The following PAQR9 variants were observed in gnomAD, a reference collection of about 807,000 sequenced individuals.
The protein encoded by PAQR9 is progestin and adipoQ receptor family member 9.
Under a neutral mutation model 24.0 loss-of-function variants are expected in PAQR9, and 12 were observed. The observed-to-expected ratio is 0.50, with a 90% CI of 0.32 to 0.81. The LOEUF (loss-of-function observed/expected upper bound fraction) is 0.81, where lower values mean the gene tolerates loss of function less well. Ranked by LOEUF, PAQR9 falls within the 30% of genes least tolerant of loss-of-function variation. PAQR9 has a pLI of 0.03. For missense variants in PAQR9, 418 were observed against 520.8 expected (o/e 0.80, Z 1.92); for synonymous variants, 266 against 237.6 (o/e 1.12, Z -1.10).
In PAQR9 at chr3:142,962,943, T is replaced by G. The variant is rs781145265; in HGVS notation, c.394A>C (p.Thr132Pro). ...TGCGCCGTGCAGCTCATGGCGAAGGTCAGCAGCACTCCCGACGCGTAGCAC... is the reference window on the plus strand; with the variant it reads ...TGCGCCGTGCAGCTCATGGCGAAGGGCAGCAGCACTCCCGACGCGTAGCAC... The part of the protein sequence containing the change: ...LWCYASGVLL[T>P]FAMSCTAHVF... The change falls in exon 1 of 1, where the codon ACC becomes CCC. Residue 132 changes from threonine to proline, a missense_variant. By Grantham distance (38) the Thr-to-Pro change is conservative. This residue lies in a region of PAQR9 where 180 missense variants were observed against 190.3 expected (regional missense o/e 0.95). Transcript: ENST00000340634. The G allele has an allele frequency of 6.2e-7, 1 of 1,613,878 alleles. No individual in the cohort carries two copies. The highest frequency in any genetic ancestry group is 1.1e-5 in the South Asian group (1 of 91,080).
chr3:142,963,110 G>A lies in PAQR9; in HGVS notation c.227C>T (p.Ser76Leu). The stretch of plus-strand genomic sequence containing the variant: ...CGTCTCGTTGGTAGGCTTCAGCACC[G>A]AGGCTAGGCACTCCTGGGCCGTGCA... ...LPCTAQECLA[S>L]VLKPTNETLN... The change falls in exon 1 of 1, where the codon TCG becomes TTG. Residue 76 changes from serine to leucine, a missense_variant. Ser to Leu is a moderately radical substitution (Grantham distance 145). Transcript: ENST00000340634. 1.2e-6 allele frequency: 2 copies of A among 1,613,764 alleles called. No homozygotes were observed. Among genetic ancestry groups the A allele is most frequent in the Non-Finnish European group, 8.5e-7 (1 of 1,179,840 alleles).
downstream of PAQR9, chr3:142,951,528 G>A (rs1001161828): frequency 5.6e-6 from 2 of 356,502 alleles, no homozygotes; most frequent in African/African-American, 2.2e-5. Flanking sequence ...ATCAGTTTGG[G>A]GTCAATTGCA....
At chr3:142,950,706 C>A (rs752061825), downstream of PAQR9, 3 of 204,244 alleles carry the variant, frequency 1.5e-5, no homozygotes, top group Non-Finnish European at 3.2e-5. Context: ...AAACTCTGGG[C>A]TTGCAGGGCT....
Position 142,956,357 on chromosome 3 carries a change from A to AT in PAQR9, c.*5845dup, listed in dbSNP as rs1934790991. On this transcript the variant is annotated 3_prime_UTR_variant, in exon 1 of 1. Coordinates refer to ENST00000340634, the MANE Select transcript of PAQR9 (RefSeq NM_198504.4). Reference sequence around the variant, plus strand: ...CTTATTGCGTATTTTGGGTGGAGGTATAAGGCATGAGGGAAAGGTGGCCTG... The same window carrying AT: ...CTTATTGCGTATTTTGGGTGGAGGTATTAAGGCATGAGGGAAAGGTGGCCTG... Among the ~76,000 whole-genome samples the AT allele has an allele frequency of 6.6e-6, 1 of 152,208 alleles. No individual in the cohort carries two copies. Among genetic ancestry groups the AT allele is most frequent in the Non-Finnish European group, 1.5e-5 (1 of 68,032 alleles).
Position 142,961,817 on chromosome 3 carries a change from T to C in PAQR9, c.*386A>G, listed in dbSNP as rs565678704. 1 of 204,042 alleles carries C rather than the reference T, an allele frequency of 4.9e-6. No homozygotes were observed. Among genetic ancestry groups the C allele is most frequent in the Non-Finnish European group, 1.0e-5 (1 of 100,398 alleles). The allele number at this position is 204,042 out of a possible 1,614,324, so 12.6% of individuals were successfully genotyped here. Reference sequence around the variant, plus strand: ...TTCCCAAGGATTCTATTTACCCTCTTTACTGTGTACCTGACCTCACAGGGG... The same window carrying C: ...TTCCCAAGGATTCTATTTACCCTCTCTACTGTGTACCTGACCTCACAGGGG... On this transcript the variant is annotated 3_prime_UTR_variant, in exon 1 of 1. Coordinates refer to ENST00000340634, the MANE Select transcript of PAQR9 (RefSeq NM_198504.4).
At chr3:142,954,314 G>T (rs907126126), downstream of PAQR9, among the ~76,000 whole-genome samples, 1 of 152,082 alleles carries the variant, frequency 6.6e-6, no homozygotes, top group South Asian at 2.1e-4. Flanking sequence ...TCATAACCTG[G>T]GTTATATAAG....
At position 142,954,708 on chromosome 3, in the gene PAQR9, A is replaced by C. The variant is rs1230126254; in HGVS notation, c.*7495T>G. ...GGAACAAATGTCTCAGGAAACCAAA[A>C]TCATAGCAAATCATACAACAGAAAT... On this transcript the variant is annotated 3_prime_UTR_variant, in exon 1 of 1. Transcript: ENST00000340634. 6.6e-6 allele frequency among the ~76,000 whole-genome samples: 1 copy of C among 152,248 alleles called. No homozygotes were observed. The highest frequency in any genetic ancestry group is 2.4e-5 in the African/African-American group (1 of 41,468).
Position 142,956,681 on chromosome 3 carries a change from TATAA to T in PAQR9, c.*5518_*5521del, listed in dbSNP as rs1161887962. Among the ~76,000 whole-genome samples the T allele has an allele frequency of 6.6e-6, 1 of 152,214 alleles. No individual in the cohort carries two copies. The highest frequency in any genetic ancestry group is 1.5e-5 in the Non-Finnish European group (1 of 68,032). On this transcript the variant is annotated 3_prime_UTR_variant, in exon 1 of 1. Transcript: ENST00000340634. ...AAATGAGCATTCTTGGCCCCTGACC[TATAA>T]ATAAACACTCTAATTCTGCAACTTG...
chr3:142,951,591 C>T, downstream of PAQR9: 1 of 411,698 alleles, frequency 2.4e-6, no homozygotes, highest in South Asian at 1.8e-5. Flanking sequence ...TATTAGTAGG[C>T]ATTGGTTGGC....
downstream of PAQR9, among the ~76,000 whole-genome samples, chr3:142,953,921 C>T (rs540062921): frequency 2.0e-5 from 3 of 152,254 alleles, no homozygotes; most frequent in Admixed American, 6.5e-5. Flanking sequence ...TGCCCTGAAG[C>T]TAGTTTATCT....
Position 142,960,602 on chromosome 3 carries a change from T to A in PAQR9, c.*1601A>T, listed in dbSNP as rs999248771. ...AAAAAACTCCCAATCAATGACTTAT[T>A]TGGCTTCTAACAAAATGACCTACCA... On this transcript the variant is annotated 3_prime_UTR_variant, in exon 1 of 1. Coordinates refer to ENST00000340634, the MANE Select transcript of PAQR9 (RefSeq NM_198504.4). The A allele has an allele frequency of 2.6e-5, 4 of 152,238 alleles. No homozygotes were observed. Among genetic ancestry groups the A allele is most frequent in the African/African-American group, 9.7e-5 (4 of 41,442 alleles). 9.4% of individuals were successfully genotyped at this position (152,238 alleles called of 1,614,324 possible). A position where few individuals can be genotyped will look rare whatever the true frequency, so the allele number is the denominator to read the frequency against.
Position 142,962,055 on chromosome 3 carries a change from T to C in PAQR9, c.*148A>G, listed in dbSNP as rs1934901020. ...AGCCTCCAGTGGGTTGGGATCCCTTTGTAGCAGTGAACTTTTTCCCTATGG... is the reference window on the plus strand; with the variant it reads ...AGCCTCCAGTGGGTTGGGATCCCTTCGTAGCAGTGAACTTTTTCCCTATGG... On this transcript the variant is annotated 3_prime_UTR_variant, in exon 1 of 1. Coordinates refer to ENST00000340634, the MANE Select transcript of PAQR9 (RefSeq NM_198504.4). The C allele has an allele frequency of 2.1e-6, 2 of 970,472 alleles. No individual in the cohort carries two copies. Among genetic ancestry groups the C allele is most frequent in the East Asian group, 2.4e-5 (1 of 41,526 alleles). The allele number at this position is 970,472 out of a possible 1,614,324, so 60.1% of individuals were successfully genotyped here. A position where few individuals can be genotyped will look rare whatever the true frequency, so the allele number is the denominator to read the frequency against.
At chr3:142,963,734 G>A, upstream of PAQR9, 1 of 865,922 alleles carries the variant, frequency 1.2e-6, no homozygotes, top group Non-Finnish European at 1.4e-6. Context: ...AGGTGGGGAT[G>A]TGCGAGCCGA....
In PAQR9 at chr3:142,961,968, G is replaced by C. The variant is rs1029808069; in HGVS notation, c.*235C>G. On this transcript the variant is annotated 3_prime_UTR_variant, in exon 1 of 1. Coordinates refer to ENST00000340634, the MANE Select transcript of PAQR9 (RefSeq NM_198504.4). Reference sequence around the variant, plus strand: ...AAGACATCACCTGAATTTTTTCCAGGGGCAAGAACAAGTGACTATCTCCCT... The same window carrying C: ...AAGACATCACCTGAATTTTTTCCAGCGGCAAGAACAAGTGACTATCTCCCT... The C allele has an allele frequency of 2.0e-6, 1 of 508,418 alleles. No homozygotes were observed. The highest frequency in any genetic ancestry group is 1.9e-5 in the African/African-American group (1 of 51,478). The allele number at this position is 508,418 out of a possible 1,614,324, so 31.5% of individuals were successfully genotyped here.
In PAQR9 at chr3:142,959,933, A is replaced by G. The variant is rs964501434; in HGVS notation, c.*2270T>C. Among the ~76,000 whole-genome samples, 8 of 152,212 alleles carry G rather than the reference A, an allele frequency of 5.3e-5. No homozygotes were observed. Among genetic ancestry groups the G allele is most frequent in the African/African-American group, 1.9e-4 (8 of 41,450 alleles). On this transcript the variant is annotated 3_prime_UTR_variant, in exon 1 of 1. Transcript: ENST00000340634. The stretch of plus-strand genomic sequence containing the variant: ...GTTCTTTGGGGCTCTAGAAAAAACA[A>G]CAATGACATGCAAATAAATTTGCAT...
chr3:142,962,407 G>A lies in PAQR9; in HGVS notation c.930C>T (p.Ser310=), dbSNP rs62276870. 0.073 allele frequency: 117,865 copies of A among 1,614,132 alleles called. 4,860 individuals carry two copies. The highest frequency in any genetic ancestry group is 0.086 in the Non-Finnish European group (101,096 of 1,180,010). Residue 310 remains serine, a synonymous_variant, in exon 1 of 1, where the codon AGC becomes AGT. Coordinates refer to ENST00000340634, the MANE Select transcript of PAQR9 (RefSeq NM_198504.4). Reference sequence around the variant, plus strand: ...AGGTGAAGATGTGGAAGAGCTGGTGGCTGTGGCCGATAATGTCGAAAAGAC... The same window carrying A: ...AGGTGAAGATGTGGAAGAGCTGGTGACTGTGGCCGATAATGTCGAAAAGAC... ...QPGLFDIIGH[S]HQLFHIFTFL...
chr3:142,962,186 T>C lies in PAQR9; in HGVS notation c.*17A>G, dbSNP rs1387137441. ...CAAACAGATGGGCGAACCAGTAGTC[T>C]CCTCCAAGGCGGAGGCTCACTTTTT... On this transcript the variant is annotated 3_prime_UTR_variant, in exon 1 of 1. Coordinates refer to ENST00000340634, the MANE Select transcript of PAQR9 (RefSeq NM_198504.4). 1 of 1,608,280 alleles carries C rather than the reference T, an allele frequency of 6.2e-7. No homozygotes were observed. The highest frequency in any genetic ancestry group is 1.3e-5 in the African/African-American group (1 of 74,842).
chr3:142,954,212 A>G (rs1245607875), downstream of PAQR9, among the ~76,000 whole-genome samples: 2 of 152,260 alleles, frequency 1.3e-5, no homozygotes, highest in African/African-American at 2.4e-5. Flanking sequence ...GTAAGTTCAC[A>G]CACATCACCA....
downstream of PAQR9, chr3:142,952,974 C>T (rs989320337): frequency 5.5e-5 from 24 of 435,818 alleles, no homozygotes; most frequent in Non-Finnish European, 8.4e-5. Flanking sequence ...TCAAGAGATA[C>T]GAGACAGCCC....
Sources: gnomAD v4.1 joint callset for allele counts (sites outside exome capture counted in the v4.1 genomes callset) on GRCh38, gnomAD v4.1.1 for gene constraint, gnomAD v4.1.1 regional missense constraint, MANE v1.5 for transcripts, NCBI Gene and HGNC (gene_info 2026-07-23, HGNC 2026-07-21) for gene names.